The following STK39 variants were observed in gnomAD, a reference collection of about 807,000 sequenced individuals.
The protein encoded by STK39 is serine/threonine kinase 39, also known as STE20/SPS1-related proline-alanine-rich protein kinase.
STK39 carries 20 observed loss-of-function variants against 77.8 expected under a neutral mutation model. The observed-to-expected ratio is 0.26, with a 90% CI of 0.18 to 0.37. The LOEUF (loss-of-function observed/expected upper bound fraction) is 0.37, where lower values mean the gene tolerates loss of function less well. Among genes scored for constraint, STK39 ranks in the 10% least tolerant of loss-of-function variants. STK39 has a pLI of 1.00. For missense variants in STK39, 479 were observed against 656.5 expected (o/e 0.73, Z 2.95); for synonymous variants, 246 against 234.1 (o/e 1.05, Z -0.47).
intron 2 of STK39, among the ~76,000 whole-genome samples, chr2:168,170,167 A>G (rs1180969123): frequency 8.5e-5 from 13 of 152,136 alleles, no homozygotes; most frequent in Non-Finnish European, 1.5e-5. Context: ...TTTCCACAAA[A>G]CTATCCCCTC....
chr2:168,134,545 G>T (rs1687783786), intron 8 of STK39, among the ~76,000 whole-genome samples: 1 of 150,192 alleles, frequency 6.7e-6, no homozygotes, highest in Admixed American at 6.6e-5. Context: ...TCTTTTTACA[G>T]TTGCTAGCCA....
chr2:168,148,182 C>T (rs1688190928), intron 5 of STK39, among the ~76,000 whole-genome samples: 2 of 152,184 alleles, frequency 1.3e-5, no homozygotes, highest in Admixed American at 1.3e-4. Context: ...ACCAAATCAC[C>T]ATTTCTGCTT....
chr2:167,980,986 T>TA (rs1477961137), intron 16 of STK39, among the ~76,000 whole-genome samples: 3 of 151,844 alleles, frequency 2.0e-5, no homozygotes, highest in Non-Finnish European at 4.4e-5. Context: ...ACTTCTTGAA[T>TA]AATAAGAAAT....
intron 16 of STK39, among the ~76,000 whole-genome samples, chr2:167,973,700 G>A (rs1574357157): frequency 6.6e-6 from 1 of 152,194 alleles, no homozygotes; most frequent in East Asian, 1.9e-4. Flanking sequence ...AAGACTGTAA[G>A]ATGGCATAGG....
intron 16 of STK39, among the ~76,000 whole-genome samples, chr2:167,993,261 A>G (rs1448770902): frequency 2.0e-5 from 3 of 152,176 alleles, no homozygotes; most frequent in African/African-American, 7.2e-5. Context: ...TTCCACCCCA[A>G]TGTGCCTGTT....
chr2:168,228,300 A>C (rs2105255061), intron 1 of STK39, among the ~76,000 whole-genome samples: 1 of 152,356 alleles, frequency 6.6e-6, no homozygotes. Context: ...GGAATACAAA[A>C]AAGGTAGACA....
rs542264737 is a variant in STK39, at chr2:168,039,098, C to A, written c.1377-22003G>T. ...GACTATACATGAATGTTCATAGCAG[C>A]ATTATTCATAACAGTAAAAACTGAA... On this transcript the variant is annotated intron_variant, in intron 14 of 17. Transcript: ENST00000355999. Among the ~76,000 whole-genome samples the A allele has an allele frequency of 3.2e-4, 49 of 151,988 alleles. No homozygotes were observed. In the South Asian group the frequency reaches 6.0e-3, roughly 19 times the overall value.
intron 2 of STK39, among the ~76,000 whole-genome samples, chr2:168,176,997 C>G (rs1422940622): frequency 6.6e-6 from 1 of 152,138 alleles, no homozygotes; most frequent in African/African-American, 2.4e-5. Flanking sequence ...AATTTGTCAT[C>G]ACACAAATAA....
intron 1 of STK39, among the ~76,000 whole-genome samples, chr2:168,200,324 C>T (rs965422358): frequency 3.3e-5 from 5 of 152,060 alleles, no homozygotes; most frequent in Admixed American, 3.3e-4. Context: ...TATCTTACTT[C>T]ACTCTCAACC....
At chr2:168,094,180 G>A (rs1159022855) in intron 10 of STK39, among the ~76,000 whole-genome samples, 4 of 152,140 alleles carry the variant, frequency 2.6e-5, no homozygotes, top group Non-Finnish European at 5.9e-5. Context: ...GATCTGTGGG[G>A]ACCACTACCC....
intron 12 of STK39, among the ~76,000 whole-genome samples, chr2:168,068,577 A>G (rs183199094): frequency 1.3e-5 from 2 of 152,352 alleles, no homozygotes; most frequent in African/African-American, 4.8e-5. Context: ...GGGAGATTGC[A>G]TGAGGAATAT....
Position 168,075,104 on chromosome 2 carries a change from T to C in STK39, c.1212+5A>G. The C allele has an allele frequency of 6.2e-7, 1 of 1,614,212 alleles. No homozygotes were observed. The highest frequency in any genetic ancestry group is 1.6e-4 in the Middle Eastern group (1 of 6,062). On this transcript the variant is annotated splice_donor_5th_base_variant and intron_variant, in intron 11 of 17. Coordinates refer to ENST00000355999, the MANE Select transcript of STK39 (RefSeq NM_013233.3). ...GATTAGCTCATCGTCAACGATGTCA[T>C]TTACCTTTTCCTGAGAAAAAGCTGC...
intron 10 of STK39, among the ~76,000 whole-genome samples, chr2:168,119,876 CT>C (rs1482635312): frequency 6.6e-6 from 1 of 152,170 alleles, no homozygotes; most frequent in African/African-American, 2.4e-5. Flanking sequence ...AATTTTCCCT[CT>C]TTATCGACTA....
intron 5 of STK39, among the ~76,000 whole-genome samples, chr2:168,157,533 T>A (rs1200759902): frequency 2.0e-5 from 3 of 152,198 alleles, no homozygotes; most frequent in African/African-American, 4.8e-5. Context: ...GATTATGGCA[T>A]CGGCAGATTC....
intron 14 of STK39, among the ~76,000 whole-genome samples, chr2:168,025,134 T>A (rs1406785645): frequency 6.6e-6 from 1 of 152,188 alleles, no homozygotes; most frequent in Non-Finnish European, 1.5e-5. Context: ...TGTATGGCTG[T>A]CTCTTCAGTG....
intron 14 of STK39, among the ~76,000 whole-genome samples, chr2:168,043,128 C>A (rs191348077): frequency 6.6e-6 from 1 of 152,124 alleles, no homozygotes; most frequent in Non-Finnish European, 1.5e-5. Flanking sequence ...ACCTGACTGA[C>A]GGCTATGAAT....
In STK39 at chr2:167,985,727, C is replaced by T. The variant is rs368055033; in HGVS notation, c.1499-21001G>A. 1.4e-4 allele frequency among the ~76,000 whole-genome samples: 21 copies of T among 152,176 alleles called. No homozygotes were observed. The South Asian group carries it at 4.4e-3, about 32-fold the overall frequency. On this transcript the variant is annotated intron_variant, in intron 16 of 17. Transcript: ENST00000355999. ...AGACTCAACATATGCATTACTATTA[C>T]TAATAGTAAATAATAATAAATATTA...
At chr2:167,998,183 C>A (rs770604030) in intron 16 of STK39, among the ~76,000 whole-genome samples, 1 of 152,234 alleles carries the variant, frequency 6.6e-6, no homozygotes, top group Admixed American at 6.5e-5. Context: ...CTCCAGAAAG[C>A]ACCACTGTGG....
rs563171653 is a variant in STK39 at position 168,212,466 on chromosome 2, T to C, written c.209-30376A>G. On this transcript the variant is annotated intron_variant, in intron 1 of 17. Transcript: ENST00000355999. Reference sequence around the variant, plus strand: ...GCCAACTCTCCTGACCCTGTGCTCCTGGGAAAATTACTCAACCTCTCTGAG... The same window carrying C: ...GCCAACTCTCCTGACCCTGTGCTCCCGGGAAAATTACTCAACCTCTCTGAG... Among the ~76,000 whole-genome samples, 67 of 152,318 alleles carry C rather than the reference T, an allele frequency of 4.4e-4. No individual in the cohort carries two copies. The South Asian group carries it at 0.01, about 24-fold the overall frequency.
Sources: allele counts gnomAD v4.1 joint callset (sites outside exome capture counted in the v4.1 genomes callset), GRCh38; gene constraint gnomAD v4.1.1; transcripts MANE v1.5; gene names NCBI Gene and HGNC (gene_info 2026-07-23, HGNC 2026-07-21).